Variants in CHN2 observed in about 807,000 individuals in gnomAD.
The protein encoded by CHN2 is chimerin 2.
In CHN2, 35 loss-of-function variants were observed where a neutral mutation model predicts 56.3. The ratio of observed to expected loss-of-function variants is 0.62; its 90% CI spans 0.47 to 0.82. The LOEUF (loss-of-function observed/expected upper bound fraction) is 0.82. Among genes scored for constraint, CHN2 ranks in the 40% least tolerant of loss-of-function variants. The probability of loss-of-function intolerance (pLI) is 0.00; values close to 1 mark genes in which losing one functional copy is unlikely to be tolerated. For synonymous variants in CHN2, 210 were observed against 212.8 expected (o/e 0.99, Z 0.12); for missense variants, 491 against 580.5 (o/e 0.85, Z 1.58).
Position 29,257,600 on chromosome 7 carries a change from T to C in CHN2, c.49+62610T>C, listed in dbSNP as rs192946133. Among the ~76,000 whole-genome samples the C allele has an allele frequency of 1.1e-4, 16 of 152,268 alleles. No individual in the cohort carries two copies. In the East Asian group the frequency reaches 1.7e-3, roughly 17 times the overall value. ...ATGTTTTTGCATCCAATCCATTGTC[T>C]TCTTTTTACACATGAGGAAATGGCA... On this transcript the variant is annotated intron_variant, in intron 1 of 12. Transcript: ENST00000222792.
At chr7:29,484,952 A>G (rs1441724655) in intron 7 of CHN2, among the ~76,000 whole-genome samples, 2 of 152,196 alleles carry the variant, frequency 1.3e-5, no homozygotes, top group East Asian at 1.9e-4. Context: ...TTCCATGGCT[A>G]TTGATTTTAA....
chr7:29,269,193 A>G (rs1173495565), intron 1 of CHN2, among the ~76,000 whole-genome samples: 1 of 151,926 alleles, frequency 6.6e-6, no homozygotes, highest in African/African-American at 2.4e-5. Context: ...ACCTCTCTTT[A>G]TTCCCCTCTC....
intron 6 of CHN2, among the ~76,000 whole-genome samples, chr7:29,441,204 G>A (rs1018007402): frequency 6.6e-6 from 1 of 152,140 alleles, no homozygotes; most frequent in Admixed American, 6.5e-5. Context: ...CATTCAATGG[G>A]AGAAAGAATG....
chr7:29,435,178 C>T (rs1354525951), intron 6 of CHN2, among the ~76,000 whole-genome samples: 2 of 152,122 alleles, frequency 1.3e-5, no homozygotes, highest in Non-Finnish European at 2.9e-5. Flanking sequence ...TAAACATATC[C>T]ATCTGTTCAT....
At chr7:29,273,584 G>C (rs1409339385) in intron 1 of CHN2, among the ~76,000 whole-genome samples, 1 of 151,356 alleles carries the variant, frequency 6.6e-6, no homozygotes, top group Non-Finnish European at 1.5e-5. Context: ...TTTAATTTCT[G>C]TAGGACTCTC....
At chr7:29,175,198 G>A (rs921238208) in intron 2 of CHN2, among the ~76,000 whole-genome samples, 19 of 149,844 alleles carry the variant, frequency 1.3e-4, no homozygotes, top group Admixed American at 4.0e-4. Flanking sequence ...TTTTTGAGAC[G>A]GGGCCTCTCT....
intron 2 of CHN2, among the ~76,000 whole-genome samples, chr7:29,148,981 A>C (rs926674904): frequency 6.6e-6 from 1 of 152,166 alleles, no homozygotes; most frequent in Non-Finnish European, 1.5e-5. Context: ...AGGTGGCAGC[A>C]CAGGCAATGA....
chr7:29,259,451 T>A (rs553915920), intron 1 of CHN2, among the ~76,000 whole-genome samples: 1 of 152,156 alleles, frequency 6.6e-6, no homozygotes, highest in East Asian at 1.9e-4. Context: ...GCAAGAAGAT[T>A]GGATATTGGG....
chr7:29,499,553 C>T (rs1789705850), intron 8 of CHN2, among the ~76,000 whole-genome samples: 1 of 152,068 alleles, frequency 6.6e-6, no homozygotes, highest in Admixed American at 6.5e-5. Flanking sequence ...ACTTGTGGAC[C>T]CAAAGGGTTC....
At chr7:29,360,184 T>G (rs953358243) in intron 2 of CHN2, among the ~76,000 whole-genome samples, 5 of 151,642 alleles carry the variant, frequency 3.3e-5, no homozygotes, top group Non-Finnish European at 5.9e-5. Flanking sequence ...CTCCTAGAGG[T>G]TTTTCACAGT....
chr7:29,354,851 C>T (rs990671820), intron 2 of CHN2, among the ~76,000 whole-genome samples, 188 bp downstream of exon 2: 9 of 152,056 alleles, frequency 5.9e-5, no homozygotes, highest in African/African-American at 2.2e-4. Context: ...TTACCAAGGC[C>T]TCCAAGAACC....
chr7:29,194,865 C>T lies in CHN2; in HGVS notation c.-77C>T. ...CATGGGCTGGGGGCCGCGGAGGCTG[C>T]GAGCGGCCGGGCGAGGGCAGCGGCG... On this transcript the variant is annotated 5_prime_UTR_variant, in exon 1 of 13. The change creates a premature stop within an existing upstream ORF in the 5' untranslated region. Coordinates refer to ENST00000222792, the MANE Select transcript of CHN2 (RefSeq NM_004067.4). 1 of 1,300,504 alleles carries T rather than the reference C, an allele frequency of 7.7e-7. No individual in the cohort carries two copies. Among genetic ancestry groups the T allele is most frequent in the Non-Finnish European group, 9.9e-7 (1 of 1,013,316 alleles). The allele number at this position is 1,300,504 out of a possible 1,614,324, so 80.6% of individuals were successfully genotyped here.
At chr7:29,434,982 A>G (rs1265612183) in intron 6 of CHN2, among the ~76,000 whole-genome samples, 1 of 152,056 alleles carries the variant, frequency 6.6e-6, no homozygotes, top group Non-Finnish European at 1.5e-5. Context: ...AGTTCCAGCT[A>G]CTCAGGAGCT....
At chr7:29,341,926 T>TA (rs1451073163) in intron 1 of CHN2, among the ~76,000 whole-genome samples, 4 of 152,344 alleles carry the variant, frequency 2.6e-5, no homozygotes, top group African/African-American at 9.6e-5. Flanking sequence ...AAAGTGACTA[T>TA]AATCTCTTTT....
chr7:29,374,558 C>G (rs1225876787), intron 3 of CHN2, among the ~76,000 whole-genome samples: 2 of 152,050 alleles, frequency 1.3e-5, no homozygotes, highest in African/African-American at 2.4e-5. Flanking sequence ...TTAGACATTT[C>G]CAAGGTGAGG....
At chr7:29,293,473 C>T (rs12533816) in intron 1 of CHN2, among the ~76,000 whole-genome samples, 83,313 of 151,386 alleles carry the variant, frequency 0.55, 23,164 homozygotes, top group East Asian at 0.68. Flanking sequence ...GAAGGTGCTC[C>T]TCTGGCTTCC....
At chr7:29,246,499 G>A (rs1788088378) in intron 1 of CHN2, among the ~76,000 whole-genome samples, 1 of 152,204 alleles carries the variant, frequency 6.6e-6, no homozygotes. Context: ...CTGTTAGTAA[G>A]TGATGGGTTT....
At chr7:29,146,682 A>G (rs986047830) in exon 1 of CHN2, 3 of 1,550,570 alleles carry the variant, frequency 1.9e-6, no homozygotes, top group Non-Finnish European at 2.6e-6. Flanking sequence ...ATGCTGGAAG[A>G]AGCAAGCAGC....
At chr7:29,157,261 C>A (rs891812664) in intron 2 of CHN2, among the ~76,000 whole-genome samples, 2 of 152,144 alleles carry the variant, frequency 1.3e-5, no homozygotes, top group South Asian at 2.1e-4. Flanking sequence ...ACCCCTCCCC[C>A]ACCCTGCTAC....
Sources: allele counts gnomAD v4.1 joint callset (sites outside exome capture counted in the v4.1 genomes callset), GRCh38; gene constraint gnomAD v4.1.1; transcripts MANE v1.5; gene names NCBI Gene and HGNC (gene_info 2026-07-23, HGNC 2026-07-21).